The following SPATS2L variants were observed in gnomAD, a reference collection of about 807,000 sequenced individuals.
SPATS2L encodes SPATS2-like protein.
SPATS2L carries 30 observed loss-of-function variants against 59.6 expected under a neutral mutation model. The observed-to-expected ratio is 0.50, with a 90% confidence interval of 0.38 to 0.68. The LOEUF is 0.68. SPATS2L is among the 30% of genes least tolerant of loss of function. The pLI is 0.00. For synonymous variants in SPATS2L, 252 were observed against 263.5 expected (o/e 0.96, Z 0.42); for missense variants, 615 against 700.0 (o/e 0.88, Z 1.37).
At position 200,477,679 on chromosome 2, in the gene SPATS2L, A is replaced by T; in HGVS notation, c.1325A>T (p.His442Leu). 6.4e-7 allele frequency: 1 copy of T among 1,566,092 alleles called. No individual in the cohort carries two copies. The highest frequency in any genetic ancestry group is 8.7e-7 in the Non-Finnish European group (1 of 1,154,678). ...NQRRRFNPQY[H>L]NNRLNGPAKS... The stretch of plus-strand genomic sequence containing the variant: ...AGACGGAGATTTAATCCACAGTATC[A>T]TAACAACAGGCTAAATGGGCCTGCC... Residue 442 changes from histidine (H) to leucine (L), a missense_variant, in exon 13 of 13, where the codon CAT becomes CTT. By Grantham distance (99) the His-to-Leu change is moderately conservative. This residue lies in a region of SPATS2L where 284 missense variants were observed against 280.1 expected (regional missense o/e 1.01). Coordinates refer to ENST00000409140, the MANE Select transcript of SPATS2L (RefSeq NM_001100423.2).
At chr2:200,445,456 G>C (rs1028836141) in intron 8 of SPATS2L, among the ~76,000 whole-genome samples, 1 of 152,220 alleles carries the variant, frequency 6.6e-6, no homozygotes, top group Non-Finnish European at 1.5e-5. Flanking sequence ...ATCACACACA[G>C]ATTATCAATG....
chr2:200,420,512 C>T (rs1430866761), intron 6 of SPATS2L, among the ~76,000 whole-genome samples: 2 of 152,096 alleles, frequency 1.3e-5, no homozygotes, highest in African/African-American at 2.4e-5. Context: ...GAGCTCAATA[C>T]GTATATTTGT....
intron 2 of SPATS2L, among the ~76,000 whole-genome samples, chr2:200,329,935 C>T (rs1413588107): frequency 3.9e-5 from 6 of 152,182 alleles, no homozygotes; most frequent in African/African-American, 4.8e-5. Flanking sequence ...GAAGAATGTG[C>T]TCCCACGATT....
intron 8 of SPATS2L, among the ~76,000 whole-genome samples, chr2:200,454,748 T>C (rs571759384): frequency 3.3e-5 from 5 of 152,156 alleles, no homozygotes; most frequent in Non-Finnish European, 7.4e-5. Context: ...ACATGTGAGG[T>C]CCGCGTGGAT....
At chr2:200,355,902 C>T (rs2080898996) in intron 2 of SPATS2L, among the ~76,000 whole-genome samples, 2 of 152,156 alleles carry the variant, frequency 1.3e-5, no homozygotes, top group African/African-American at 4.8e-5. Context: ...AGGTTGTTTC[C>T]TTATTTCCAA....
At chr2:200,438,794 A>T (rs112383052) in intron 6 of SPATS2L, among the ~76,000 whole-genome samples, 1 of 152,138 alleles carries the variant, frequency 6.6e-6, no homozygotes, top group Non-Finnish European at 1.5e-5. Context: ...AGGGGGGAAA[A>T]GGCACTGCTC....
At chr2:200,322,773 T>C (rs1411451278) in intron 1 of SPATS2L, among the ~76,000 whole-genome samples, 1 of 152,224 alleles carries the variant, frequency 6.6e-6, no homozygotes, top group Admixed American at 6.5e-5. Flanking sequence ...AGGGTAATCC[T>C]GATTTGTCAT....
chr2:200,407,034 A>C (rs1235516007), intron 3 of SPATS2L, among the ~76,000 whole-genome samples: 2 of 152,200 alleles, frequency 1.3e-5, no homozygotes, highest in African/African-American at 4.8e-5. Context: ...GTCTTGACCA[A>C]CATTCAAGCC....
intron 3 of SPATS2L, among the ~76,000 whole-genome samples, chr2:200,400,148 AT>A (rs1479343088): frequency 6.8e-6 from 1 of 147,178 alleles, no homozygotes; most frequent in Non-Finnish European, 1.5e-5. Context: ...CAAAAACAAA[AT>A]GCCTTGAATG....
intron 4 of SPATS2L, among the ~76,000 whole-genome samples, chr2:200,416,020 A>G (rs576782359): frequency 2.9e-4 from 44 of 152,334 alleles, no homozygotes; most frequent in Non-Finnish European, 5.0e-4. Context: ...TCAGAAGATT[A>G]TAGGTATTTT....
At position 200,465,003 on chromosome 2, in the gene SPATS2L, A is replaced by G. The variant is rs144207954; in HGVS notation, c.848-2287A>G. ...TCTTTAGATATTCCCTTTAAGTAAT[A>G]GATTAATTCATTCATTGAATTCTTC... On this transcript the variant is annotated intron_variant, in intron 9 of 12. Transcript: ENST00000409140. Among the ~76,000 whole-genome samples the G allele has an allele frequency of 5.6e-4, 86 of 152,368 alleles. 1 individual carries two copies. The highest frequency in any genetic ancestry group is 2.0e-3 in the African/African-American group (84 of 41,600).
chr2:200,316,836 TGATA>T (rs2079397082), intron 1 of SPATS2L, among the ~76,000 whole-genome samples: 1 of 152,256 alleles, frequency 6.6e-6, no homozygotes, highest in Admixed American at 6.5e-5. Context: ...TCAGGAAACT[TGATA>T]GATATTTAGA....
At chr2:200,453,773 G>A (rs1296116724) in intron 8 of SPATS2L, among the ~76,000 whole-genome samples, 5 of 152,196 alleles carry the variant, frequency 3.3e-5, no homozygotes, top group African/African-American at 1.2e-4. Context: ...ACAGTGGAGG[G>A]AGATGTTTTT....
rs530807877 is a variant in SPATS2L, at chr2:200,327,741, T to C, written c.-72-1690T>C. 1.3e-3 allele frequency among the ~76,000 whole-genome samples: 200 copies of C among 152,334 alleles called. 1 individual carries two copies. The highest frequency in any genetic ancestry group is 4.4e-3 in the African/African-American group (182 of 41,576). ...GGAAGTATTACACTCACTAAATTAT[T>C]ACCCTCCAAGGAGTTTTTGTGAAAG... On this transcript the variant is annotated intron_variant, in intron 1 of 12. Coordinates refer to ENST00000409140, the MANE Select transcript of SPATS2L (RefSeq NM_001100423.2).
At chr2:200,326,638 C>T (rs183844688) in intron 1 of SPATS2L, among the ~76,000 whole-genome samples, 2 of 152,298 alleles carry the variant, frequency 1.3e-5, no homozygotes, top group African/African-American at 4.8e-5. Flanking sequence ...TTTCTATAGA[C>T]TCCCAAGCAC....
intron 2 of SPATS2L, among the ~76,000 whole-genome samples, chr2:200,366,805 A>G (rs2081281611): frequency 6.6e-6 from 1 of 152,228 alleles, no homozygotes; most frequent in African/African-American, 2.4e-5. Context: ...GTTGCCTTCT[A>G]CATTCCTAAA....
At position 200,334,051 on chromosome 2, in the gene SPATS2L, G is replaced by A. The variant is rs1161941532; in HGVS notation, c.-23+4571G>A. On this transcript the variant is annotated intron_variant, in intron 2 of 12. Coordinates refer to ENST00000409140, the MANE Select transcript of SPATS2L (RefSeq NM_001100423.2). ...GATGGCTGGGTCAAGTGGTATTTCT[G>A]GTTCTAGATCCCTGAGGAATCGCCA... is the stretch of plus-strand genomic sequence containing the variant. 1.1e-4 allele frequency among the ~76,000 whole-genome samples: 16 copies of A among 152,230 alleles called. No homozygotes were observed. In the East Asian group the frequency reaches 1.4e-3, roughly 13 times the overall value.
chr2:200,427,614 G>A (rs2083653933), intron 6 of SPATS2L, among the ~76,000 whole-genome samples: 1 of 151,504 alleles, frequency 6.6e-6, no homozygotes, highest in Non-Finnish European at 1.5e-5. Flanking sequence ...ATTCCAGTCA[G>A]AAAGTTACCA....
chr2:200,316,054 C>G (rs564865678), intron 1 of SPATS2L, among the ~76,000 whole-genome samples: 3 of 149,120 alleles, frequency 2.0e-5, no homozygotes, highest in Non-Finnish European at 4.4e-5. Context: ...AAGAGATATG[C>G]AGAGCTTTAT....
Sources: allele counts gnomAD v4.1 joint callset (sites outside exome capture counted in the v4.1 genomes callset), GRCh38; gene constraint gnomAD v4.1.1; regional missense constraint gnomAD v4.1.1; transcripts MANE v1.5; gene names NCBI Gene and HGNC (gene_info 2026-07-23, HGNC 2026-07-21).